DCDC2: variants seen among roughly 807,000 people sequenced by gnomAD.
The protein encoded by DCDC2 is doublecortin domain containing 2.
DCDC2 carries 40 observed loss-of-function variants against 50.2 expected under a neutral mutation model. The ratio of observed to expected loss-of-function variants is 0.80; its 90% CI spans 0.62 to 1.04. The LOEUF (loss-of-function observed/expected upper bound fraction) is 1.04, where lower values mean the gene tolerates loss of function less well. DCDC2 is among the 50% of genes least tolerant of loss of function. The pLI is 0.00. For missense variants in DCDC2, 570 were observed against 581.9 expected, an observed-to-expected ratio of 0.98 and a Z score of 0.21; for synonymous variants, 234 against 210.6, an observed-to-expected ratio of 1.11 and a Z score of -0.96.
At chr6:24,375,452 G>C in the DCDC2 span, among the ~76,000 whole-genome samples, 1 of 151,968 alleles carries the variant, frequency 6.6e-6, no homozygotes, top group African/African-American at 2.4e-5. Flanking sequence ...ACATATTTAG[G>C]GGCAATGAAA....
chr6:24,318,845 T>G (rs1241760368), intron 2 of DCDC2, among the ~76,000 whole-genome samples: 1 of 151,970 alleles, frequency 6.6e-6, no homozygotes, highest in East Asian at 1.9e-4. Flanking sequence ...GATGGACACT[T>G]AGGTTGAGTC....
At chr6:24,370,128 T>C in the DCDC2 span, among the ~76,000 whole-genome samples, 2 of 152,120 alleles carry the variant, frequency 1.3e-5, no homozygotes, top group African/African-American at 4.8e-5. Context: ...AAGGTTGTCA[T>C]ACGGAAGGAA....
chr6:24,248,829 C>T (rs1309136295), intron 7 of DCDC2, among the ~76,000 whole-genome samples: 1 of 152,116 alleles, frequency 6.6e-6, no homozygotes, highest in Non-Finnish European at 1.5e-5. Context: ...AAAAATGGAG[C>T]TCAATAGGGA....
chr6:24,184,249 T>G (rs901543399), intron 8 of DCDC2, among the ~76,000 whole-genome samples: 2 of 152,036 alleles, frequency 1.3e-5, no homozygotes, highest in African/African-American at 4.8e-5. Context: ...AGATCTGCAG[T>G]AGGCAACATT....
In DCDC2 at chr6:24,274,883, T is replaced by C. The variant is rs1402855044; in HGVS notation, c.922+3166A>G. ...ACACTAGATCAAACATTTGCACAAG[T>C]TAACATATGCTAGAAAATAATCATA... On this transcript the variant is annotated intron_variant, in intron 7 of 9. Coordinates refer to ENST00000378454, the MANE Select transcript of DCDC2 (RefSeq NM_016356.5). Among the ~76,000 whole-genome samples the C allele has an allele frequency of 3.9e-5, 6 of 152,058 alleles. No individual in the cohort carries two copies. The East Asian group carries it at 1.2e-3, about 29-fold the overall frequency.
chr6:24,184,737 T>TA (rs2113745104), intron 8 of DCDC2, among the ~76,000 whole-genome samples: 1 of 152,188 alleles, frequency 6.6e-6, no homozygotes, highest in East Asian at 1.9e-4. Flanking sequence ...ACTGCAGTAC[T>TA]AATGGCCAAT....
intron 8 of DCDC2, among the ~76,000 whole-genome samples, chr6:24,195,089 T>A (rs1000165237): frequency 2.0e-5 from 3 of 151,574 alleles, no homozygotes; most frequent in Admixed American, 6.6e-5. Context: ...GCATGCTAGA[T>A]GGTACCAGGA....
chr6:24,245,342 C>T lies in DCDC2; in HGVS notation c.922+32707G>A, dbSNP rs528996044. ...TGGAACCCAGATCCCAGCATAAAAC[C>T]GGGACCATTCCAGGGGTTCCAAATG... On this transcript the variant is annotated intron_variant, in intron 7 of 9. Coordinates refer to ENST00000378454, the MANE Select transcript of DCDC2 (RefSeq NM_016356.5). Among the ~76,000 whole-genome samples the T allele has an allele frequency of 7.2e-5, 11 of 152,248 alleles. No homozygotes were observed. The South Asian group carries it at 1.4e-3, about 20-fold the overall frequency.
chr6:24,331,617 T>C (rs1759967089), intron 2 of DCDC2, among the ~76,000 whole-genome samples: 1 of 152,180 alleles, frequency 6.6e-6, no homozygotes, highest in Non-Finnish European at 1.5e-5. Context: ...AATATTTGGA[T>C]ATACTCAGCA....
intron 2 of DCDC2, among the ~76,000 whole-genome samples, chr6:24,311,965 AG>A (rs1429921567): frequency 6.6e-6 from 1 of 152,178 alleles, no homozygotes; most frequent in Non-Finnish European, 1.5e-5. Context: ...AAGCAACTGA[AG>A]AACCACAAAA....
Position 24,206,821 on chromosome 6 carries a change from C to T in DCDC2, c.923-1719G>A, listed in dbSNP as rs538672243. The stretch of plus-strand genomic sequence containing the variant: ...AAAGAGACAAATCAGCAAAGCTCAA[C>T]GCTGTGCACAGTGACACAAAGAGAA... On this transcript the variant is annotated intron_variant, in intron 7 of 9. Coordinates refer to ENST00000378454, the MANE Select transcript of DCDC2 (RefSeq NM_016356.5). 2.7e-4 allele frequency among the ~76,000 whole-genome samples: 41 copies of T among 152,306 alleles called. No homozygotes were observed. In the East Asian group the frequency reaches 6.0e-3, roughly 22 times the overall value.
chr6:24,362,736 C>T (rs1760690538), upstream of DCDC2, among the ~76,000 whole-genome samples: 1 of 152,144 alleles, frequency 6.6e-6, no homozygotes, highest in African/African-American at 2.4e-5. Context: ...TCCTCAAAAT[C>T]ACTTTTCCTA....
chr6:24,244,732 C>G (rs1315094428), intron 7 of DCDC2, among the ~76,000 whole-genome samples: 1 of 152,224 alleles, frequency 6.6e-6, no homozygotes, highest in African/African-American at 2.4e-5. Context: ...CTGACTTTCC[C>G]TGGCAGTGGT....
chr6:24,314,476 C>CA (rs199914901), intron 2 of DCDC2, among the ~76,000 whole-genome samples: 29 of 140,210 alleles, frequency 2.1e-4, no homozygotes, highest in South Asian at 1.3e-3. Flanking sequence ...GACGTTGTCT[C>CA]AAAAAAAACA....
In DCDC2 at chr6:24,171,814, TAACA is replaced by T. The variant is rs1385951658; in HGVS notation, c.*2912_*2915del. Reference sequence around the variant, plus strand: ...AAAACTCTTAATGCCCCAATTTTACTAACAAACCATTTGTTTACAAGTGTCTTAA... The same window carrying T: ...AAAACTCTTAATGCCCCAATTTTACTAACCATTTGTTTACAAGTGTCTTAA... On this transcript the variant is annotated 3_prime_UTR_variant, in exon 10 of 10. Coordinates refer to ENST00000378454, the MANE Select transcript of DCDC2 (RefSeq NM_016356.5). 2.0e-5 allele frequency: 3 copies of T among 152,218 alleles called. No homozygotes were observed. Among genetic ancestry groups the T allele is most frequent in the Non-Finnish European group, 4.4e-5 (3 of 68,030 alleles). The allele number at this position is 152,218 out of a possible 1,614,324, so 9.4% of individuals were successfully genotyped here.
intron 7 of DCDC2, among the ~76,000 whole-genome samples, chr6:24,274,769 G>C (rs1763316609): frequency 6.6e-6 from 1 of 151,872 alleles, no homozygotes; most frequent in Non-Finnish European, 1.5e-5. Flanking sequence ...GAAAAAATAT[G>C]TGACTACAAT....
intron 7 of DCDC2, among the ~76,000 whole-genome samples, chr6:24,212,798 C>G (rs185203861): frequency 6.6e-6 from 1 of 152,270 alleles, no homozygotes; most frequent in Admixed American, 6.5e-5. Flanking sequence ...AATTATTTTT[C>G]ACTTATCCCT....
At chr6:24,256,895 T>C (rs1762907699) in intron 7 of DCDC2, among the ~76,000 whole-genome samples, 1 of 152,228 alleles carries the variant, frequency 6.6e-6, no homozygotes, top group Non-Finnish European at 1.5e-5. Context: ...AAGGCTGTTA[T>C]CTTGGCAGCA....
intron 7 of DCDC2, among the ~76,000 whole-genome samples, chr6:24,206,504 C>T (rs982981881): frequency 7.2e-5 from 11 of 152,158 alleles, no homozygotes; most frequent in African/African-American, 2.7e-4. Flanking sequence ...ACTCAGTAGA[C>T]TACAGTTATG....
Sources: allele counts gnomAD v4.1 joint callset (sites outside exome capture counted in the v4.1 genomes callset), GRCh38; gene constraint gnomAD v4.1.1; transcripts MANE v1.5; gene names NCBI Gene and HGNC (gene_info 2026-07-23, HGNC 2026-07-21).